Variants in PRKG1 observed in about 807,000 individuals in gnomAD.
PRKG1 encodes the protein protein kinase cGMP-dependent 1.
PRKG1 carries 35 observed loss-of-function variants against 88.1 expected under a neutral mutation model. That is an observed-to-expected ratio of 0.40 (90% CI 0.30 to 0.53). The LOEUF (loss-of-function observed/expected upper bound fraction) is 0.53. PRKG1 is among the 20% of genes least tolerant of loss of function. The pLI is 0.59. For missense variants in PRKG1, 540 were observed against 839.8 expected, an observed-to-expected ratio of 0.64 and a Z score of 4.41; for synonymous variants, 303 against 292.5, an observed-to-expected ratio of 1.04 and a Z score of -0.37.
intron 3 of PRKG1, among the ~76,000 whole-genome samples, chr10:51,709,003 G>A (rs1841677553): frequency 6.6e-6 from 1 of 152,180 alleles, no homozygotes; most frequent in African/African-American, 2.4e-5. Flanking sequence ...AGTTAAAAGG[G>A]CTGTTTTGAG....
At chr10:52,213,042 C>T (rs1486428403) in intron 9 of PRKG1, among the ~76,000 whole-genome samples, 2 of 152,094 alleles carry the variant, frequency 1.3e-5, no homozygotes, top group Non-Finnish European at 2.9e-5. Context: ...AAGAAATTGA[C>T]TTTTGCACTT....
At chr10:51,272,938 A>G (rs1200751902) in intron 2 of PRKG1, among the ~76,000 whole-genome samples, 1 of 152,144 alleles carries the variant, frequency 6.6e-6, no homozygotes, top group Non-Finnish European at 1.5e-5. Flanking sequence ...TCCTAAGTTC[A>G]CCCTCTTCTA....
chr10:51,276,458 A>C lies in PRKG1; in HGVS notation c.478+123128A>C, dbSNP rs1421812729. On this transcript the variant is annotated intron_variant, in intron 2 of 17. Transcript: ENST00000373980. ...ATGTGTCTTTATAGCAGCATGACTT[A>C]TAATCCTTTGGGTATATACCCAGTA... is the stretch of plus-strand genomic sequence containing the variant. Among the ~76,000 whole-genome samples the C allele has an allele frequency of 2.0e-5, 3 of 152,246 alleles. No homozygotes were observed. In the East Asian group the frequency reaches 5.8e-4, roughly 29 times the overall value.
At chr10:51,513,559 C>T (rs1489474271) in intron 3 of PRKG1, among the ~76,000 whole-genome samples, 1 of 93,452 alleles carries the variant, frequency 1.1e-5, no homozygotes, top group Non-Finnish European at 2.1e-5. Flanking sequence ...TTCAGCACCA[C>T]ACCACACCTA....
At chr10:51,290,694 C>T (rs998270581) in intron 2 of PRKG1, among the ~76,000 whole-genome samples, 1 of 152,124 alleles carries the variant, frequency 6.6e-6, no homozygotes, top group Admixed American at 6.6e-5. Context: ...CACCCCACCC[C>T]GGTAAATGTG....
chr10:51,385,755 G>A (rs1228838769), intron 2 of PRKG1, among the ~76,000 whole-genome samples: 1 of 152,060 alleles, frequency 6.6e-6, no homozygotes, highest in Non-Finnish European at 1.5e-5. Flanking sequence ...GTAACCTGAT[G>A]GTTTAAAATC....
intron 3 of PRKG1, among the ~76,000 whole-genome samples, chr10:51,509,335 A>G (rs1449433587): frequency 6.6e-6 from 1 of 152,216 alleles, no homozygotes. Context: ...AATGTGTTAC[A>G]TGGGGGAATC....
intron 2 of PRKG1, among the ~76,000 whole-genome samples, chr10:51,405,202 T>G (rs971100625): frequency 2.0e-5 from 3 of 152,206 alleles, no homozygotes; most frequent in Non-Finnish European, 2.9e-5. Flanking sequence ...ACTGTACAGA[T>G]GCTCCTTGAC....
chr10:52,240,383 G>C (rs1485364611), intron 9 of PRKG1, among the ~76,000 whole-genome samples: 1 of 152,136 alleles, frequency 6.6e-6, no homozygotes, highest in African/African-American at 2.4e-5. Context: ...AAACAAGGAA[G>C]GGAGATAAGA....
intron 7 of PRKG1, among the ~76,000 whole-genome samples, chr10:52,064,338 A>G (rs531757207): frequency 6.6e-6 from 1 of 152,196 alleles, no homozygotes; most frequent in Non-Finnish European, 1.5e-5. Context: ...CTCAGTCCCA[A>G]CTTTCCTCCA....
chr10:51,138,832 G>A (rs987267129), intron 1 of PRKG1, among the ~76,000 whole-genome samples: 24 of 151,488 alleles, frequency 1.6e-4, no homozygotes, highest in East Asian at 1.4e-3. Context: ...ACAGGCATGC[G>A]CCACCATGCC....
At chr10:51,467,014 C>A (rs1443339672) in intron 2 of PRKG1, among the ~76,000 whole-genome samples, 2 of 151,872 alleles carry the variant, frequency 1.3e-5, no homozygotes, top group Admixed American at 6.6e-5. Context: ...GTATTTTTTT[C>A]ATTTATCTCA....
chr10:52,016,412 GC>G (rs1043573584), intron 5 of PRKG1, among the ~76,000 whole-genome samples: 1 of 152,128 alleles, frequency 6.6e-6, no homozygotes, highest in Non-Finnish European at 1.5e-5. Flanking sequence ...TAGGGAAACT[GC>G]CCCCATGATC....
chr10:51,076,072 G>A (rs569148159), intron 1 of PRKG1, among the ~76,000 whole-genome samples: 1 of 152,330 alleles, frequency 6.6e-6, no homozygotes, highest in Non-Finnish European at 1.5e-5. Context: ...TAAGGAGAAA[G>A]TAAATATTTG....
At chr10:51,010,262 T>C (rs1409361240) in intron 1 of PRKG1, among the ~76,000 whole-genome samples, 2 of 152,260 alleles carry the variant, frequency 1.3e-5, no homozygotes, top group African/African-American at 4.8e-5. Context: ...GCCAATTATT[T>C]GGGTGAGGCC....
intron 2 of PRKG1, among the ~76,000 whole-genome samples, chr10:51,205,127 C>CTTTTTTTTTTCTTTTTTTTTTTTTTT (rs1838016431): frequency 1.6e-5 from 1 of 64,030 alleles, no homozygotes; most frequent in Non-Finnish European, 3.0e-5. Flanking sequence ...ATTTTCTTTT[C>CTTTTTTTTTTCTTTTTTTTTTTTTTT]TTTTTTTTTT....
intron 2 of PRKG1, among the ~76,000 whole-genome samples, chr10:51,246,112 C>A (rs1442756960): frequency 6.6e-6 from 1 of 152,042 alleles, no homozygotes; most frequent in Non-Finnish European, 1.5e-5. Flanking sequence ...ATGCACCTAC[C>A]ATTCCACTGT....
At chr10:51,128,115 TA>T (rs1351621038) in intron 1 of PRKG1, among the ~76,000 whole-genome samples, 3 of 152,018 alleles carry the variant, frequency 2.0e-5, no homozygotes, top group African/African-American at 7.2e-5. Context: ...TCCCAGAACT[TA>T]AAGTAAAATA....
chr10:51,412,180 TGAGAGAGA>T (rs746950388), intron 2 of PRKG1, among the ~76,000 whole-genome samples: 147 of 125,334 alleles, frequency 1.2e-3, no homozygotes, highest in African/African-American at 3.5e-3. Context: ...GGAGAGAGAG[TGAGAGAGA>T]GAGAGAGAGA....
Sources: gnomAD v4.1 joint callset for allele counts (sites outside exome capture counted in the v4.1 genomes callset) on GRCh38, gnomAD v4.1.1 for gene constraint, MANE v1.5 for transcripts, NCBI Gene and HGNC (gene_info 2026-07-23, HGNC 2026-07-21) for gene names.